Variants in TMTC1 observed in about 807,000 individuals in gnomAD.
TMTC1 encodes the protein transmembrane O-mannosyltransferase targeting cadherins 1, also known as protein O-mannosyl-transferase TMTC1.
A neutral mutation model predicts 104.8 loss-of-function variants in TMTC1; 73 were observed. That is an observed-to-expected ratio of 0.70 (90% confidence interval 0.58 to 0.85). The LOEUF is 0.85. Ranked by LOEUF, TMTC1 falls within the 40% of genes least tolerant of loss-of-function variation. The pLI, the probability that TMTC1 is intolerant of heterozygous loss-of-function variation, is 0.00. For synonymous variants in TMTC1, 434 were observed against 428.7 expected, an observed-to-expected ratio of 1.01 and a Z score of -0.15; for missense variants, 1,035 against 1,096.1, an observed-to-expected ratio of 0.94 and a Z score of 0.79.
intron 6 of TMTC1, among the ~76,000 whole-genome samples, chr12:29,611,114 C>T (rs1196594187): frequency 6.6e-6 from 1 of 152,104 alleles, no homozygotes; most frequent in Non-Finnish European, 1.5e-5. Context: ...GCACCGAAGG[C>T]CGATTAAAAT....
At chr12:29,743,040 T>C (rs1012002306) in intron 5 of TMTC1, among the ~76,000 whole-genome samples, 4 of 152,258 alleles carry the variant, frequency 2.6e-5, no homozygotes, top group Non-Finnish European at 5.9e-5. Context: ...ATCCTAGCAC[T>C]ACCATTTATG....
In TMTC1 at chr12:29,783,869, C is replaced by T; in HGVS notation, c.-118G>A. ...GGGGGGCTCGGGCATGGTGCTGCGG[C>T]AGCTGGACCCGCCGCGAGCTCCCCG... On this transcript the variant is annotated 5_prime_UTR_variant, in exon 1 of 18. Coordinates refer to ENST00000539277, the MANE Select transcript of TMTC1 (RefSeq NM_001193451.2). This position sits in a 1 kb window ranked among gnomAD's most constrained non-coding sequence, Gnocchi z 4.7. 1 of 972,256 alleles carries T rather than the reference C, an allele frequency of 1.0e-6. No homozygotes were observed. Among genetic ancestry groups the T allele is most frequent in the African/African-American group, 1.7e-5 (1 of 57,602 alleles). 60.2% of individuals were successfully genotyped at this position (972,256 alleles called of 1,614,324 possible).
chr12:29,653,176 C>T (rs1464278830), intron 5 of TMTC1, among the ~76,000 whole-genome samples: 1 of 151,910 alleles, frequency 6.6e-6, no homozygotes, highest in Admixed American at 6.6e-5. Flanking sequence ...AAACCACTGA[C>T]CTTGTAAATA....
intron 9 of TMTC1, among the ~76,000 whole-genome samples, chr12:29,562,084 G>A (rs1945390992): frequency 6.6e-6 from 1 of 152,180 alleles, no homozygotes; most frequent in Admixed American, 6.5e-5. Flanking sequence ...ATTCCTTCAT[G>A]TTATGAAATT....
chr12:29,662,936 C>G (rs1463899030), intron 5 of TMTC1, among the ~76,000 whole-genome samples: 3 of 152,176 alleles, frequency 2.0e-5, no homozygotes, highest in Non-Finnish European at 4.4e-5. Flanking sequence ...TCAAGCACTG[C>G]ATTTAAATCC....
At chr12:29,681,608 ACAT>A (rs1255441773) in intron 5 of TMTC1, among the ~76,000 whole-genome samples, 1 of 152,164 alleles carries the variant, frequency 6.6e-6, no homozygotes, top group African/African-American at 2.4e-5. Flanking sequence ...ACATCAACTG[ACAT>A]CATAGGGCAC....
chr12:29,542,449 A>G (rs1944827735), intron 10 of TMTC1, among the ~76,000 whole-genome samples: 1 of 152,146 alleles, frequency 6.6e-6, no homozygotes. Flanking sequence ...AAACAGCATC[A>G]CCAGCTGACG....
At chr12:29,540,160 G>A (rs1203631681) in intron 10 of TMTC1, among the ~76,000 whole-genome samples, 3 of 152,158 alleles carry the variant, frequency 2.0e-5, no homozygotes, top group African/African-American at 7.2e-5. Flanking sequence ...TGAAGCACGT[G>A]TGGGGAACCT....
intron 2 of TMTC1, among the ~76,000 whole-genome samples, chr12:29,762,811 C>G (rs2120414865): frequency 6.6e-6 from 1 of 152,348 alleles, no homozygotes; most frequent in Non-Finnish European, 1.5e-5. Context: ...GCCACAATGT[C>G]AAGGTTCAGC....
At chr12:29,667,200 G>A (rs1039151085) in intron 5 of TMTC1, among the ~76,000 whole-genome samples, 2 of 152,124 alleles carry the variant, frequency 1.3e-5, no homozygotes, top group Non-Finnish European at 2.9e-5. Flanking sequence ...GAAGTGCCTC[G>A]TCTAAACCTT....
chr12:29,543,148 C>A (rs533573644), intron 10 of TMTC1, among the ~76,000 whole-genome samples: 69 of 152,290 alleles, frequency 4.5e-4, no homozygotes, highest in Non-Finnish European at 8.4e-4. Context: ...CCATTAAACA[C>A]TTGTAGTTTC....
chr12:29,763,774 G>C (rs935068903), intron 2 of TMTC1, among the ~76,000 whole-genome samples: 2 of 152,166 alleles, frequency 1.3e-5, no homozygotes, highest in African/African-American at 4.8e-5. Flanking sequence ...TCAAGGTGAG[G>C]GAATGCTCAG....
chr12:29,609,905 T>G (rs1946799677), intron 6 of TMTC1: 1 of 152,394 alleles, frequency 6.6e-6, no homozygotes, highest in Non-Finnish European at 1.5e-5. Flanking sequence ...CACCTCCAAC[T>G]CTGGCAGTAG....
intron 1 of TMTC1, among the ~76,000 whole-genome samples, 159 bp from the exon 2 acceptor site, chr12:29,768,234 T>A (rs1943518797): frequency 6.6e-6 from 1 of 152,216 alleles, no homozygotes; most frequent in Non-Finnish European, 1.5e-5. Context: ...CTTGGGTATG[T>A]ATCACATTTT....
chr12:29,774,897 T>C (rs1451602517), intron 1 of TMTC1, among the ~76,000 whole-genome samples: 1 of 152,194 alleles, frequency 6.6e-6, no homozygotes, highest in Non-Finnish European at 1.5e-5. Flanking sequence ...ACTCTGCAGC[T>C]GAAGCAAAAT....
intron 5 of TMTC1, among the ~76,000 whole-genome samples, chr12:29,750,040 G>A (rs1943050589): frequency 6.7e-6 from 1 of 148,264 alleles, no homozygotes; most frequent in African/African-American, 2.5e-5. Context: ...GTTTTTAAAA[G>A]AAATGTTATC....
chr12:29,745,419 T>C (rs1942927204), intron 5 of TMTC1, among the ~76,000 whole-genome samples: 1 of 151,874 alleles, frequency 6.6e-6, no homozygotes. Flanking sequence ...GGTCAAGAGT[T>C]CAAGACCAAC....
At chr12:29,580,053 A>C (rs1254269952) in intron 8 of TMTC1, among the ~76,000 whole-genome samples, 2 of 152,164 alleles carry the variant, frequency 1.3e-5, no homozygotes, top group Non-Finnish European at 2.9e-5. Context: ...TGATAGAAAA[A>C]GTTTTGGCCA....
intron 6 of TMTC1, among the ~76,000 whole-genome samples, chr12:29,607,083 A>G (rs1002703662): frequency 1.3e-5 from 2 of 152,090 alleles, no homozygotes; most frequent in Admixed American, 1.3e-4. Context: ...AGCCTCCCCC[A>G]GAAATCTGAT....
Sources: gnomAD v4.1 joint callset for allele counts (sites outside exome capture counted in the v4.1 genomes callset) on GRCh38, gnomAD v4.1.1 for gene constraint, Gnocchi (gnomAD v3.1) non-coding constraint, MANE v1.5 for transcripts, NCBI Gene and HGNC (gene_info 2026-07-23, HGNC 2026-07-21) for gene names.